The following RAB11FIP1 variants were observed in gnomAD, a reference collection of about 807,000 sequenced individuals.
The protein encoded by RAB11FIP1 is rab11 family-interacting protein 1.
In RAB11FIP1, 49 loss-of-function variants were observed where a neutral mutation model predicts 83.1. That is an observed-to-expected ratio of 0.59 (90% confidence interval 0.47 to 0.75). RAB11FIP1 has a LOEUF of 0.75. Ranked by LOEUF, RAB11FIP1 falls within the 30% of genes least tolerant of loss-of-function variation. The pLI is 0.00. For missense variants in RAB11FIP1, 1,536 were observed against 1,598.7 expected (o/e 0.96, Z 0.67); for synonymous variants, 670 against 656.0 (o/e 1.02, Z -0.33).
Position 37,864,222 on chromosome 8 carries a change from G to A in RAB11FIP1, c.3634-1109C>T, listed in dbSNP as rs920629329. 4.6e-5 allele frequency among the ~76,000 whole-genome samples: 7 copies of A among 152,328 alleles called. No homozygotes were observed. The South Asian group carries it at 6.2e-4, about 14-fold the overall frequency. On this transcript the variant is annotated intron_variant, in intron 5 of 5. Transcript: ENST00000330843. ...CTCCCGAGGAGAGCACACACCCTGC[G>A]GAGTCACTGTGCTTTATCAGCATTT...
At chr8:37,885,610 C>G (rs1806819136) in intron 1 of RAB11FIP1, among the ~76,000 whole-genome samples, 1 of 152,024 alleles carries the variant, frequency 6.6e-6, no homozygotes, top group Non-Finnish European at 1.5e-5. Context: ...TCTACACTTT[C>G]AAAAAGATGT....
intron 1 of RAB11FIP1, among the ~76,000 whole-genome samples, chr8:37,879,495 T>C (rs965415269): frequency 7.2e-5 from 11 of 152,152 alleles, no homozygotes; most frequent in Admixed American, 2.0e-4. Flanking sequence ...AGAGCTTCAG[T>C]TGTGGAAAAT....
intron 1 of RAB11FIP1, among the ~76,000 whole-genome samples, chr8:37,898,752 G>A (rs1807145616): frequency 6.7e-6 from 1 of 149,666 alleles, no homozygotes; most frequent in South Asian, 2.2e-4. Context: ...CCTGCGAGGC[G>A]AAGTTTGCAG....
chr8:37,879,717 T>C (rs1806697171), intron 1 of RAB11FIP1, among the ~76,000 whole-genome samples: 1 of 152,108 alleles, frequency 6.6e-6, no homozygotes, highest in Non-Finnish European at 1.5e-5. Context: ...ACCCCATCTC[T>C]ACTAAAAATA....
intron 2 of RAB11FIP1, among the ~76,000 whole-genome samples, chr8:37,876,310 T>C (rs1013181858): frequency 1.7e-4 from 26 of 151,792 alleles, no homozygotes; most frequent in African/African-American, 6.0e-4. Context: ...AGAGGGCATC[T>C]CAGCCATGGG....
chr8:37,877,639 G>T, intron 1 of RAB11FIP1, 88 bp from the exon 2 acceptor site: 1 of 787,120 alleles, frequency 1.3e-6, no homozygotes, highest in Non-Finnish European at 2.1e-6. Context: ...TCTCCTCTCT[G>T]CTACCAGCAG....
chr8:37,883,206 T>C (rs1806761649), intron 1 of RAB11FIP1, among the ~76,000 whole-genome samples: 1 of 151,924 alleles, frequency 6.6e-6, no homozygotes, highest in Admixed American at 6.6e-5. Flanking sequence ...TTTGTTTGTC[T>C]GTTTGTTTTA....
intron 1 of RAB11FIP1, among the ~76,000 whole-genome samples, chr8:37,887,525 C>T (rs1806857700): frequency 7.1e-6 from 1 of 141,364 alleles, no homozygotes; most frequent in Non-Finnish European, 1.5e-5. Flanking sequence ...AGTGAGACGC[C>T]ATCTCAAAAA....
At chr8:37,876,120 A>C (rs914567526) in intron 2 of RAB11FIP1, among the ~76,000 whole-genome samples, 9 of 152,020 alleles carry the variant, frequency 5.9e-5, no homozygotes, top group Non-Finnish European at 2.9e-5. Flanking sequence ...GCTTAAACCC[A>C]GGAGGCGGAA....
At position 37,874,796 on chromosome 8, in the gene RAB11FIP1, A is replaced by T; in HGVS notation, c.1341T>A (p.Ala447=). The change falls in exon 3 of 6, where the codon GCT becomes GCA. Residue 447 remains alanine, a synonymous_variant. Transcript: ENST00000330843. The part of the protein sequence containing the change: ...LSLMTGKKDV[A]KGSEGENPLT... ...GAGGGTTTTCACCTTCACTGCCCTTAGCCACATCCTTCTTCCCCGTCATCA... is the reference window on the plus strand; with the variant it reads ...GAGGGTTTTCACCTTCACTGCCCTTTGCCACATCCTTCTTCCCCGTCATCA... 6.2e-7 allele frequency: 1 copy of T among 1,614,074 alleles called. No homozygotes were observed. Among genetic ancestry groups the T allele is most frequent in the Non-Finnish European group, 8.5e-7 (1 of 1,180,004 alleles).
intron 5 of RAB11FIP1, among the ~76,000 whole-genome samples, chr8:37,869,498 A>G (rs1457523817): frequency 4.6e-5 from 7 of 152,090 alleles, no homozygotes; most frequent in African/African-American, 1.7e-4. Context: ...AGGCTGAGGC[A>G]GGAGAATCGC....
rs199508323 is a variant in RAB11FIP1, at chr8:37,871,547, C to A, written c.3255G>T (p.Pro1085=). The change falls in exon 4 of 6, where the codon CCG becomes CCT. Residue 1085 remains proline (P), a synonymous_variant. Coordinates refer to ENST00000330843, the MANE Select transcript of RAB11FIP1 (RefSeq NM_001002814.3). ...EKPMGNGSPS[P]PPGTSLDNPV... is the part of the protein sequence containing the mutation. ...GATTGTCCAGGGATGTGCCAGGAGG[C>A]GGGCTTGGACTCCCATTTCCCATCG... The A allele has an allele frequency of 1.3e-6, 2 of 1,599,884 alleles. No individual in the cohort carries two copies. Among genetic ancestry groups the A allele is most frequent in the South Asian group, 1.1e-5 (1 of 89,548 alleles).
intron 5 of RAB11FIP1, 51 bp downstream of exon 5, chr8:37,870,369 C>G (rs376398385): frequency 2.8e-6 from 3 of 1,060,426 alleles, no homozygotes; most frequent in Non-Finnish European, 4.4e-6. Flanking sequence ...ACTATGGAAA[C>G]GGGTGTTCTG....
chr8:37,871,732 C>T lies in RAB11FIP1; in HGVS notation c.3070G>A (p.Gly1024Arg). 7 of 1,613,662 alleles carry T rather than the reference C, an allele frequency of 4.3e-6. No homozygotes were observed. Among genetic ancestry groups the T allele is most frequent in the Non-Finnish European group, 5.9e-6 (7 of 1,180,020 alleles). Residue 1024 changes from glycine to arginine, a missense_variant, in exon 4 of 6, where the codon GGG (glycine) becomes AGG (arginine). Coordinates refer to ENST00000330843, the MANE Select transcript of RAB11FIP1 (RefSeq NM_001002814.3). ...PSGEADRLVL[G>R]EGLCDFRLQA... Reference sequence around the variant, plus strand: ...AGCCTGAAATCACACAGGCCCTCCCCCAGTACCAACCTATCTGCCTCGCCA... The same window carrying T: ...AGCCTGAAATCACACAGGCCCTCCCTCAGTACCAACCTATCTGCCTCGCCA...
At chr8:37,869,227 C>CAAA (rs59449975) in intron 5 of RAB11FIP1, among the ~76,000 whole-genome samples, 2 of 126,894 alleles carry the variant, frequency 1.6e-5, no homozygotes, top group African/African-American at 3.0e-5. Context: ...GATCCTGTAT[C>CAAA]AAAAAAAAAA....
At chr8:37,874,456 G>C (rs1806555534) in intron 3 of RAB11FIP1, 59 bp downstream of exon 3, 2 of 1,367,806 alleles carry the variant, frequency 1.5e-6, no homozygotes, top group Non-Finnish European at 2.1e-6. Flanking sequence ...TCTAACGTAA[G>C]CCTGAAAACC....
At position 37,874,705 on chromosome 8, in the gene RAB11FIP1, C is replaced by T; in HGVS notation, c.1432G>A (p.Gly478Arg). ...CTTCTCACAAGGTCTTCAGCAGGCC[C>T]CGATGCGTCCTCCCCCGGCTTAACC... ...MGVKPGEDAS[G>R]PAEDLVRRSE... The change falls in exon 3 of 6, where the codon GGG becomes AGG. Residue 478 changes from glycine (G) to arginine (R), a missense_variant. Gly to Arg is a moderately radical substitution (Grantham distance 125). Coordinates refer to ENST00000330843, the MANE Select transcript of RAB11FIP1 (RefSeq NM_001002814.3). 1 of 1,614,198 alleles carries T rather than the reference C, an allele frequency of 6.2e-7. No homozygotes were observed. The highest frequency in any genetic ancestry group is 8.5e-7 in the Non-Finnish European group (1 of 1,180,044).
rs540297599 is a variant in RAB11FIP1 at position 37,863,100 on chromosome 8, G to A, written c.3647C>T (p.Ser1216Leu). Residue 1216 changes from serine to leucine, a missense_variant, in exon 6 of 6, where the codon TCG becomes TTG. By Grantham distance (145) the Ser-to-Leu change is moderately radical. Coordinates refer to ENST00000330843, the MANE Select transcript of RAB11FIP1 (RefSeq NM_001002814.3). ...CTGCGCATATGCAAATGCAGGGTCC[G>A]AGGGGCTGTATTTCTTTGGAGGGGG... ...NEVMMKKYSP[S>L]DPAFAYAQLT... 4.6e-5 allele frequency: 74 copies of A among 1,611,968 alleles called. No individual in the cohort carries two copies. The East Asian group carries it at 8.9e-4, about 19-fold the overall frequency.
chr8:37,868,041 T>C (rs1233378147), intron 5 of RAB11FIP1, among the ~76,000 whole-genome samples: 1 of 151,796 alleles, frequency 6.6e-6, no homozygotes, highest in Non-Finnish European at 1.5e-5. Context: ...AGCCCAGGAG[T>C]TCGAGGCTGC....
Sources: allele counts gnomAD v4.1 joint callset (sites outside exome capture counted in the v4.1 genomes callset), GRCh38; gene constraint gnomAD v4.1.1; transcripts MANE v1.5; gene names NCBI Gene and HGNC (gene_info 2026-07-23, HGNC 2026-07-21).